The following GRK5 variants were observed in gnomAD, a reference collection of about 807,000 sequenced individuals.
GRK5 encodes g protein-coupled receptor kinase GRK5.
GRK5 carries 40 observed loss-of-function variants against 78.4 expected under a neutral mutation model. That is an observed-to-expected ratio of 0.51 (90% confidence interval 0.40 to 0.66). The LOEUF is 0.66. Among genes scored for constraint, GRK5 ranks in the 30% least tolerant of loss-of-function variants. The probability of loss-of-function intolerance (pLI) is 0.00; values close to 1 mark genes in which losing one functional copy is unlikely to be tolerated. For missense variants in GRK5, 598 were observed against 759.9 expected, an observed-to-expected ratio of 0.79 and a Z score of 2.50; for synonymous variants, 289 against 296.8, an observed-to-expected ratio of 0.97 and a Z score of 0.27.
At chr10:119,453,938 G>C (rs570348590) in intron 15 of GRK5, among the ~76,000 whole-genome samples, 144 of 151,834 alleles carry the variant, frequency 9.5e-4, no homozygotes, top group Non-Finnish European at 1.7e-3. Context: ...GAGGAAATGC[G>C]GGGGAAGGGC....
intron 1 of GRK5, among the ~76,000 whole-genome samples, chr10:119,310,200 G>A (rs1423339051): frequency 6.6e-6 from 1 of 152,178 alleles, no homozygotes; most frequent in Non-Finnish European, 1.5e-5. Flanking sequence ...AGTACTCACA[G>A]GAAAATGCAA....
chr10:119,390,567 C>T (rs1045157479), intron 3 of GRK5, among the ~76,000 whole-genome samples: 3 of 152,058 alleles, frequency 2.0e-5, no homozygotes, highest in Admixed American at 6.5e-5. Context: ...TGGTGGCGTG[C>T]GCCTGTAGTC....
chr10:119,280,711 C>T (rs1849748085), intron 1 of GRK5, among the ~76,000 whole-genome samples: 1 of 151,844 alleles, frequency 6.6e-6, no homozygotes, highest in Non-Finnish European at 1.5e-5. Context: ...AATTATTTTT[C>T]TCCCAGAATG....
intron 6 of GRK5, among the ~76,000 whole-genome samples, chr10:119,429,323 G>C (rs879292124): frequency 6.6e-6 from 1 of 151,592 alleles, no homozygotes; most frequent in Non-Finnish European, 1.5e-5. Context: ...GGTGACTGAA[G>C]GCTCCCTGGT....
chr10:119,448,743 C>G (rs985990885), intron 13 of GRK5, among the ~76,000 whole-genome samples: 1 of 152,352 alleles, frequency 6.6e-6, no homozygotes, highest in East Asian at 1.9e-4. Context: ...GCCCCTCCCC[C>G]AGCAGCTCAC....
chr10:119,342,791 G>A (rs1232106598), intron 2 of GRK5, among the ~76,000 whole-genome samples: 1 of 152,146 alleles, frequency 6.6e-6, no homozygotes, highest in Non-Finnish European at 1.5e-5. Flanking sequence ...GCGCAGGCTG[G>A]GCTACATTTA....
intron 1 of GRK5, among the ~76,000 whole-genome samples, chr10:119,248,329 A>G (rs1257627755): frequency 1.3e-5 from 2 of 152,132 alleles, no homozygotes; most frequent in Non-Finnish European, 2.9e-5. Context: ...GTTATTTTTG[A>G]TCCATAAAAA....
chr10:119,315,776 A>G (rs1332883627), intron 1 of GRK5, among the ~76,000 whole-genome samples: 2 of 152,166 alleles, frequency 1.3e-5, no homozygotes, highest in African/African-American at 4.8e-5. Context: ...GGAACGCGGT[A>G]GAGTGATCCT....
rs116779721 is a variant in GRK5, at chr10:119,228,759, A to T, written c.52+20790A>T. Among the ~76,000 whole-genome samples, 1,325 of 152,310 alleles carry T rather than the reference A, an allele frequency of 8.7e-3. 20 individuals carry two copies. The highest frequency in any genetic ancestry group is 0.031 in the African/African-American group (1,276 of 41,570). On this transcript the variant is annotated intron_variant, in intron 1 of 15. Transcript: ENST00000392870. ...TTACACTTAATAATTAGAAGAAAAA[A>T]GATGTCTTTTTTGGGGAGGGGGTGA...
chr10:119,441,102 C>G (rs956616281), intron 10 of GRK5, among the ~76,000 whole-genome samples: 3 of 152,202 alleles, frequency 2.0e-5, no homozygotes, highest in African/African-American at 7.2e-5. Flanking sequence ...GGGATACTGC[C>G]CTGTGGAGGG....
In GRK5 at chr10:119,264,309, A is replaced by T. The variant is rs1849457871; in HGVS notation, c.52+56340A>T. Among the ~76,000 whole-genome samples the T allele has an allele frequency of 6.6e-6, 1 of 152,166 alleles. No individual in the cohort carries two copies. The highest frequency in any genetic ancestry group is 2.4e-5 in the African/African-American group (1 of 41,448). On this transcript the variant is annotated intron_variant, in intron 1 of 15. Coordinates refer to ENST00000392870, the MANE Select transcript of GRK5 (RefSeq NM_005308.3). The surrounding 1 kb of genome is among the most constrained non-coding windows in gnomAD (Gnocchi z 4.1). ...AGCTTAAGCAAAACAAATAAACAAA[A>T]ACCTCCAGGGCATTTGTTGGCACAT...
At chr10:119,453,809 G>A (rs775250056) in intron 15 of GRK5, among the ~76,000 whole-genome samples, 16 of 152,194 alleles carry the variant, frequency 1.1e-4, no homozygotes, top group Non-Finnish European at 1.6e-4. Context: ...AGAACCTTCC[G>A]GCTCCTGGGA....
chr10:119,245,802 G>C (rs1403545280), intron 1 of GRK5, among the ~76,000 whole-genome samples: 4 of 151,978 alleles, frequency 2.6e-5, no homozygotes, highest in African/African-American at 4.8e-5. Context: ...CGGATCACGA[G>C]GTCAGGAGAT....
At chr10:119,323,404 C>T (rs1471726430) in intron 1 of GRK5, among the ~76,000 whole-genome samples, 1 of 152,136 alleles carries the variant, frequency 6.6e-6, no homozygotes, top group Non-Finnish European at 1.5e-5. Flanking sequence ...GGGGATGGAC[C>T]CGTCGAGTTC....
intron 1 of GRK5, among the ~76,000 whole-genome samples, chr10:119,319,723 T>C (rs1850552011): frequency 1.3e-5 from 2 of 152,148 alleles, no homozygotes; most frequent in African/African-American, 2.4e-5. Context: ...CAGCAGAAGA[T>C]TGTGCTCCCG....
chr10:119,429,731 A>G (rs1471354926), intron 6 of GRK5, among the ~76,000 whole-genome samples: 1 of 152,002 alleles, frequency 6.6e-6, no homozygotes, highest in Non-Finnish European at 1.5e-5. Flanking sequence ...TGGGAAATAC[A>G]ATAAAGGGTC....
At chr10:119,327,446 A>T (rs1378539498) in intron 2 of GRK5, among the ~76,000 whole-genome samples, 1 of 152,122 alleles carries the variant, frequency 6.6e-6, no homozygotes, top group Non-Finnish European at 1.5e-5. Context: ...TATTATTGTC[A>T]GAGGTCATGG....
intron 1 of GRK5, among the ~76,000 whole-genome samples, chr10:119,297,915 T>C (rs753973673): frequency 3.9e-5 from 6 of 152,242 alleles, no homozygotes; most frequent in Non-Finnish European, 8.8e-5. Context: ...TCTAACCTTA[T>C]GATCTCTGAG....
intron 1 of GRK5, among the ~76,000 whole-genome samples, chr10:119,306,522 G>A (rs563886716): frequency 8.5e-5 from 13 of 152,296 alleles, no homozygotes; most frequent in African/African-American, 3.1e-4. Flanking sequence ...GAGTGGGGAT[G>A]TGTCCAAACC....
Sources: allele counts gnomAD v4.1 joint callset (sites outside exome capture counted in the v4.1 genomes callset), GRCh38; gene constraint gnomAD v4.1.1; non-coding constraint Gnocchi (gnomAD v3.1); transcripts MANE v1.5; gene names NCBI Gene and HGNC (gene_info 2026-07-23, HGNC 2026-07-21).